Variants in GRM8 observed in about 807,000 individuals in gnomAD.
GRM8 encodes glutamate metabotropic receptor 8.
In GRM8, 47 loss-of-function variants were observed where a neutral mutation model predicts 87.2. That is an observed-to-expected ratio of 0.54 (90% CI 0.43 to 0.69). The LOEUF is 0.69. Among genes scored for constraint, GRM8 ranks in the 30% least tolerant of loss-of-function variants. The probability of loss-of-function intolerance (pLI) is 0.00; values close to 1 mark genes in which losing one functional copy is unlikely to be tolerated. For synonymous variants in GRM8, 396 were observed against 404.5 expected (o/e 0.98, Z 0.25); for missense variants, 1,019 against 1,139.2 (o/e 0.89, Z 1.52).
rs1373606482 is a variant in GRM8, at chr7:126,866,673, C to A, written c.1156+35869G>T. ...GTGGTGCAATCTCGGCTCACAGCAA[C>A]CTCCGCCTCCCCGATTCAAGCAATT... is the stretch of plus-strand genomic sequence containing the variant. On this transcript the variant is annotated intron_variant, in intron 6 of 10. Transcript: ENST00000339582. Among the ~76,000 whole-genome samples the A allele has an allele frequency of 2.1e-5, 3 of 145,790 alleles. No individual in the cohort carries two copies. In the East Asian group the frequency reaches 6.3e-4, roughly 31 times the overall value.
At chr7:126,959,954 T>C (rs1367574197) in intron 3 of GRM8, among the ~76,000 whole-genome samples, 2 of 152,202 alleles carry the variant, frequency 1.3e-5, no homozygotes, top group Non-Finnish European at 2.9e-5. Flanking sequence ...AGAGATAATG[T>C]GTATGAAGTA....
Position 126,555,144 on chromosome 7 carries a change from C to T in GRM8, c.1495-21257G>A, listed in dbSNP as rs570853749. 7.2e-4 allele frequency among the ~76,000 whole-genome samples: 110 copies of T among 152,284 alleles called. 1 individual carries two copies. The South Asian group carries it at 0.021, about 29-fold the overall frequency. On this transcript the variant is annotated intron_variant, in intron 8 of 10. Transcript: ENST00000339582. ...AGAAACACCAATAGAACAAAACAGA[C>T]GCAATTTATCTTTTTGATAGATTCA...
intron 7 of GRM8, among the ~76,000 whole-genome samples, chr7:126,767,277 C>T (rs1818291622): frequency 6.6e-6 from 1 of 152,052 alleles, no homozygotes; most frequent in Non-Finnish European, 1.5e-5. Context: ...TCCTTGGAAA[C>T]ATCTTTAATG....
chr7:126,523,966 C>T (rs565462943), intron 9 of GRM8, among the ~76,000 whole-genome samples: 13 of 152,116 alleles, frequency 8.5e-5, no homozygotes, highest in South Asian at 2.1e-4. Flanking sequence ...CTTCTAACAA[C>T]GTAATATCAA....
At chr7:127,124,729 T>C (rs1300425211) in intron 2 of GRM8, among the ~76,000 whole-genome samples, 1 of 152,114 alleles carries the variant, frequency 6.6e-6, no homozygotes, top group African/African-American at 2.4e-5. Context: ...CAGAACTGAT[T>C]GCACAGACTT....
At chr7:126,548,298 A>G (rs1288092991) in intron 8 of GRM8, among the ~76,000 whole-genome samples, 1 of 147,972 alleles carries the variant, frequency 6.8e-6, no homozygotes. Flanking sequence ...CATGTAACCT[A>G]GAACTTAAAG....
intron 2 of GRM8, among the ~76,000 whole-genome samples, chr7:127,113,381 A>C (rs1196310146): frequency 6.6e-6 from 1 of 152,248 alleles, no homozygotes; most frequent in African/African-American, 2.4e-5. Flanking sequence ...TTTCTGCAAG[A>C]AACTTGCATA....
chr7:126,505,967 C>T (rs535309214), intron 9 of GRM8, among the ~76,000 whole-genome samples: 7 of 152,096 alleles, frequency 4.6e-5, no homozygotes, highest in East Asian at 1.9e-4. Flanking sequence ...ACTGAAACTT[C>T]GCATCTTTTG....
intron 7 of GRM8, among the ~76,000 whole-genome samples, chr7:126,670,069 T>C (rs1367524978): frequency 6.6e-6 from 1 of 152,210 alleles, no homozygotes; most frequent in East Asian, 1.9e-4. Context: ...CTTAACAAAA[T>C]TCAAAAGGGT....
At chr7:127,189,522 T>G (rs994733873) in intron 2 of GRM8, among the ~76,000 whole-genome samples, 6 of 152,230 alleles carry the variant, frequency 3.9e-5, no homozygotes, top group Non-Finnish European at 7.3e-5. Context: ...CTTAATTGGC[T>G]CAAATTAAGT....
intron 3 of GRM8, among the ~76,000 whole-genome samples, chr7:127,063,554 T>TGACA (rs142688172): frequency 0.027 from 4,160 of 152,244 alleles, 72 homozygotes; most frequent in Middle Eastern, 0.058. Flanking sequence ...CCAACCTGGG[T>TGACA]GACACAGTAA....
intron 8 of GRM8, among the ~76,000 whole-genome samples, chr7:126,549,587 G>A (rs1017238287): frequency 3.3e-5 from 5 of 151,984 alleles, no homozygotes; most frequent in Admixed American, 2.6e-4. Flanking sequence ...TAGTTATTCT[G>A]CCACAATACA....
In GRM8 at chr7:126,607,593, G is replaced by C. The variant is rs967414790; in HGVS notation, c.1494+1769C>G. On this transcript the variant is annotated intron_variant, in intron 8 of 10. Transcript: ENST00000339582. ...AGGAGATGTTTTTTGCTAGAGGAAA[G>C]AGTGAATTACACATTAAAACAACAG... Among the ~76,000 whole-genome samples the C allele has an allele frequency of 5.3e-5, 8 of 152,292 alleles. No individual in the cohort carries two copies. In the East Asian group the frequency reaches 1.5e-3, roughly 29 times the overall value.
intron 3 of GRM8, among the ~76,000 whole-genome samples, chr7:126,929,066 T>C (rs554123444): frequency 2.6e-5 from 4 of 152,026 alleles, no homozygotes; most frequent in South Asian, 2.1e-4. Context: ...GAAGGAGGAA[T>C]TGAAGTAGAA....
At chr7:126,837,259 A>G (rs1795893336) in intron 6 of GRM8, among the ~76,000 whole-genome samples, 1 of 152,238 alleles carries the variant, frequency 6.6e-6, no homozygotes, top group Non-Finnish European at 1.5e-5. Flanking sequence ...ATGCCACATC[A>G]GGTATATCAA....
At chr7:126,974,736 A>G (rs1344821905) in intron 3 of GRM8, among the ~76,000 whole-genome samples, 4 of 152,132 alleles carry the variant, frequency 2.6e-5, no homozygotes, top group South Asian at 2.1e-4. Context: ...GATTGAGACC[A>G]TCCTGGCTAA....
chr7:126,633,847 A>G (rs1010261353), intron 7 of GRM8, among the ~76,000 whole-genome samples: 2 of 151,948 alleles, frequency 1.3e-5, no homozygotes, highest in African/African-American at 4.8e-5. Context: ...AAAAATTGAA[A>G]GAATTTAAGT....
At chr7:126,757,246 A>T (rs1817110972) in intron 7 of GRM8, among the ~76,000 whole-genome samples, 1 of 152,212 alleles carries the variant, frequency 6.6e-6, no homozygotes, top group East Asian at 1.9e-4. Flanking sequence ...AAGAACCCCT[A>T]GTCTGTGCTA....
chr7:127,153,218 AC>A (rs533755005), intron 2 of GRM8, among the ~76,000 whole-genome samples: 53 of 152,262 alleles, frequency 3.5e-4, no homozygotes, highest in African/African-American at 1.1e-3. Flanking sequence ...GGCATATTTC[AC>A]AGCCATCAGA....
Sources: gnomAD v4.1 joint callset for allele counts (sites outside exome capture counted in the v4.1 genomes callset) on GRCh38, gnomAD v4.1.1 for gene constraint, MANE v1.5 for transcripts, NCBI Gene and HGNC (gene_info 2026-07-23, HGNC 2026-07-21) for gene names.